The following CPNE4 variants were observed in gnomAD, a reference collection of about 807,000 sequenced individuals.
CPNE4 encodes the protein copine 4.
In CPNE4, 25 loss-of-function variants were observed where a neutral mutation model predicts 67.9. The ratio of observed to expected loss-of-function variants is 0.37; its 90% CI spans 0.27 to 0.51. The LOEUF is 0.51. Among genes scored for constraint, CPNE4 ranks in the 20% least tolerant of loss-of-function variants. CPNE4 has a pLI of 0.93. For synonymous variants in CPNE4, 242 were observed against 244.9 expected (o/e 0.99, Z 0.11); for missense variants, 464 against 690.8 (o/e 0.67, Z 3.68).
intron 1 of CPNE4, among the ~76,000 whole-genome samples, chr3:131,974,924 C>T (rs1232498854): frequency 6.6e-6 from 1 of 152,060 alleles, no homozygotes; most frequent in Non-Finnish European, 1.5e-5. Flanking sequence ...GGGAGGATGG[C>T]TTGAGCCTGG....
At chr3:132,010,073 T>C (rs1012410016) in intron 1 of CPNE4, among the ~76,000 whole-genome samples, 2 of 152,218 alleles carry the variant, frequency 1.3e-5, no homozygotes, top group Non-Finnish European at 1.5e-5. Context: ...TAGGGAGGCA[T>C]GGGGCGTGTC....
intron 2 of CPNE4, among the ~76,000 whole-genome samples, chr3:131,901,759 C>T (rs1053075740): frequency 6.6e-6 from 1 of 152,074 alleles, no homozygotes; most frequent in African/African-American, 2.4e-5. Flanking sequence ...CCATCTTCTC[C>T]TTTTGTCCCT....
intron 1 of CPNE4, among the ~76,000 whole-genome samples, chr3:131,970,922 G>A (rs1368483257): frequency 6.6e-6 from 1 of 152,118 alleles, no homozygotes; most frequent in Admixed American, 6.6e-5. Context: ...AAAACGTAGT[G>A]GGTTAAAACA....
chr3:131,681,253 A>G (rs571037107), intron 6 of CPNE4, among the ~76,000 whole-genome samples: 2 of 152,300 alleles, frequency 1.3e-5, no homozygotes, highest in Admixed American at 1.3e-4. Flanking sequence ...GAACCTTCAG[A>G]TGATTTCTTA....
chr3:131,888,674 C>T (rs2087992978), intron 2 of CPNE4, among the ~76,000 whole-genome samples: 1 of 152,134 alleles, frequency 6.6e-6, no homozygotes, highest in South Asian at 2.1e-4. Context: ...ATCAGTATGG[C>T]TTCTCTGAGA....
chr3:131,823,163 GT>G (rs1281075007), intron 2 of CPNE4, among the ~76,000 whole-genome samples: 4 of 152,126 alleles, frequency 2.6e-5, no homozygotes. Context: ...CTTATCACAA[GT>G]TTTTTTATGC....
intron 1 of CPNE4, among the ~76,000 whole-genome samples, chr3:131,931,215 T>TAAACAAAATTCAACC (rs2071050410): frequency 6.6e-6 from 1 of 152,176 alleles, no homozygotes; most frequent in Non-Finnish European, 1.5e-5. Flanking sequence ...GAAACTCAAC[T>TAAACAAAATTCAACC]ACCACTAAAC....
At chr3:131,620,300 A>C (rs1395445849) in intron 7 of CPNE4, 2 of 194,668 alleles carry the variant, frequency 1.0e-5, no homozygotes, top group East Asian at 1.9e-4. Flanking sequence ...TATTGCAAGA[A>C]AATGATTTAA....
At chr3:131,781,346 A>G (rs1208187689) in intron 2 of CPNE4, among the ~76,000 whole-genome samples, 1 of 152,162 alleles carries the variant, frequency 6.6e-6, no homozygotes, top group Non-Finnish European at 1.5e-5. Flanking sequence ...CCTGCCTTTC[A>G]TAAAGATGAT....
rs574572085 is a variant in CPNE4, at chr3:131,587,523, C to T, written c.741G>A (p.Ser247=). The T allele has an allele frequency of 1.4e-4, 228 of 1,613,778 alleles. 2 individuals carry two copies. In the South Asian group the frequency reaches 2.4e-3, roughly 17 times the overall value. Residue 247 remains serine, a synonymous_variant, in exon 8 of 16, where the codon TCG becomes TCA. Coordinates refer to ENST00000429747, the MANE Select transcript of CPNE4 (RefSeq NM_130808.3). ...GKHDFIGEFT[S]TFKEMRGAME... ...TTGCTCCTCTCATCTCCTTGAATGT[C>T]GAGGTGAATTCTCCAATGAAGTCAT... is the stretch of plus-strand genomic sequence containing the variant.
intron 2 of CPNE4, among the ~76,000 whole-genome samples, chr3:131,813,740 AT>A (rs2084625277): frequency 1.3e-5 from 2 of 152,090 alleles, no homozygotes; most frequent in Admixed American, 6.6e-5. Context: ...TGAAGGAGTA[AT>A]TTGTGTGCTA....
intron 6 of CPNE4, among the ~76,000 whole-genome samples, chr3:131,673,650 AT>A (rs1483457008): frequency 6.6e-6 from 1 of 151,968 alleles, no homozygotes; most frequent in Non-Finnish European, 1.5e-5. Context: ...AATGCCACTG[AT>A]TTTTTATGTT....
At chr3:131,578,318 C>T (rs956145012) in intron 9 of CPNE4, among the ~76,000 whole-genome samples, 1 of 152,046 alleles carries the variant, frequency 6.6e-6, no homozygotes, top group Admixed American at 6.6e-5. Context: ...GAACCAAGCC[C>T]ACATAAGATG....
chr3:131,843,582 C>T (rs1182966734), intron 2 of CPNE4, among the ~76,000 whole-genome samples: 2 of 152,184 alleles, frequency 1.3e-5, no homozygotes, highest in Admixed American at 6.5e-5. Flanking sequence ...ATTTTCTCCC[C>T]AAATATTCAG....
At chr3:131,601,574 A>G (rs56146132) in intron 7 of CPNE4, among the ~76,000 whole-genome samples, 20,195 of 152,170 alleles carry the variant, frequency 0.13, 1,918 homozygotes, top group African/African-American at 0.26. Context: ...TTATTTATAC[A>G]GAAGAACAAA....
chr3:131,614,242 G>T (rs577133057), intron 7 of CPNE4, among the ~76,000 whole-genome samples: 21 of 152,188 alleles, frequency 1.4e-4, no homozygotes, highest in African/African-American at 4.6e-4. Flanking sequence ...CCCAGCATGT[G>T]CTCAGTAGGC....
chr3:131,646,916 G>A (rs2079682596), intron 7 of CPNE4, among the ~76,000 whole-genome samples: 1 of 152,192 alleles, frequency 6.6e-6, no homozygotes, highest in African/African-American at 2.4e-5. Flanking sequence ...GGAAATCACT[G>A]TGGATCATGC....
chr3:131,568,252 A>G (rs553246077), intron 10 of CPNE4, among the ~76,000 whole-genome samples: 1 of 152,178 alleles, frequency 6.6e-6, no homozygotes, highest in African/African-American at 2.4e-5. Flanking sequence ...GAAGCTGGAG[A>G]TAAAATATCT....
At chr3:131,704,878 C>A (rs1014375260) in intron 3 of CPNE4, among the ~76,000 whole-genome samples, 1 of 132,914 alleles carries the variant, frequency 7.5e-6, no homozygotes, top group African/African-American at 3.5e-5. Flanking sequence ...GAAGCTGTAA[C>A]CCCCAGAGTC....
Sources: gnomAD v4.1 joint callset for allele counts (sites outside exome capture counted in the v4.1 genomes callset) on GRCh38, gnomAD v4.1.1 for gene constraint, MANE v1.5 for transcripts, NCBI Gene and HGNC (gene_info 2026-07-23, HGNC 2026-07-21) for gene names.